TENM3: variants seen among roughly 807,000 people sequenced by gnomAD.
TENM3 encodes the protein teneurin-3.
A neutral mutation model predicts 255.1 loss-of-function variants in TENM3; 63 were observed. The observed-to-expected ratio is 0.25, with a 90% CI of 0.20 to 0.30. The LOEUF is 0.30. Ranked by LOEUF, TENM3 falls within the 10% of genes least tolerant of loss-of-function variation. The probability of loss-of-function intolerance (pLI) is 1.00; values close to 1 mark genes in which losing one functional copy is unlikely to be tolerated. For missense variants in TENM3, 2,929 were observed against 3,461.1 expected, an observed-to-expected ratio of 0.85 and a Z score of 3.86; for synonymous variants, 1,306 against 1,322.3, an observed-to-expected ratio of 0.99 and a Z score of 0.27.
At chr4:182,531,904 G>A (rs1212449072) in intron 3 of TENM3, among the ~76,000 whole-genome samples, 1 of 152,204 alleles carries the variant, frequency 6.6e-6, no homozygotes, top group East Asian at 1.9e-4. Context: ...ATTAGTCTGA[G>A]AATGGTGGGA....
At chr4:182,055,667 C>T in the TENM3 span, among the ~76,000 whole-genome samples, 1 of 152,098 alleles carries the variant, frequency 6.6e-6, no homozygotes, top group African/African-American at 2.4e-5. Flanking sequence ...AGAGAAATGG[C>T]AGGACACTGG....
intron 3 of TENM3, among the ~76,000 whole-genome samples, chr4:182,451,605 G>A (rs1221938105): frequency 6.6e-6 from 1 of 152,122 alleles, no homozygotes; most frequent in African/African-American, 2.4e-5. Context: ...TTAAAATGCT[G>A]TATTTCAGGT....
chr4:181,516,399 G>T, the TENM3 span, among the ~76,000 whole-genome samples: 1 of 150,774 alleles, frequency 6.6e-6, no homozygotes, highest in South Asian at 2.1e-4. Context: ...AAGAGCTAAG[G>T]CTAAGGGAAT....
chr4:182,100,586 T>C, the TENM3 span, among the ~76,000 whole-genome samples: 14 of 113,352 alleles, frequency 1.2e-4, no homozygotes, highest in South Asian at 2.8e-4. Context: ...CACATATATA[T>C]ACACATATAT....
At chr4:182,252,745 T>C (rs1758104363) in intron 1 of TENM3, among the ~76,000 whole-genome samples, 1 of 152,184 alleles carries the variant, frequency 6.6e-6, no homozygotes, top group African/African-American at 2.4e-5. Context: ...GACACCTGGC[T>C]AATAAAAGGA....
At chr4:181,956,341 T>A in the TENM3 span, among the ~76,000 whole-genome samples, 8 of 152,206 alleles carry the variant, frequency 5.3e-5, no homozygotes, top group Non-Finnish European at 1.2e-4. Context: ...CAACAATTCA[T>A]ACTCTCAGAA....
intron 3 of TENM3, among the ~76,000 whole-genome samples, chr4:182,540,077 A>G (rs374931479): frequency 3.9e-5 from 6 of 152,208 alleles, no homozygotes; most frequent in African/African-American, 9.7e-5. Flanking sequence ...AGAATAGAAA[A>G]CGGTAAATCT....
At chr4:182,200,826 CT>C (rs11389090) in intron 1 of TENM3, among the ~76,000 whole-genome samples, 49 of 135,364 alleles carry the variant, frequency 3.6e-4, no homozygotes, top group African/African-American at 4.7e-4. Flanking sequence ...ACTAGAGTGC[CT>C]TTTTTTTTTT....
At chr4:182,591,238 A>G (rs1746611259) in intron 3 of TENM3, among the ~76,000 whole-genome samples, 2 of 152,184 alleles carry the variant, frequency 1.3e-5, no homozygotes, top group Non-Finnish European at 2.9e-5. Flanking sequence ...AGTAGAATCT[A>G]AAAAAAGAGA....
At chr4:181,698,422 A>G in the TENM3 span, among the ~76,000 whole-genome samples, 1 of 152,096 alleles carries the variant, frequency 6.6e-6, no homozygotes, top group Non-Finnish European at 1.5e-5. Flanking sequence ...AAACTTTTCC[A>G]TAGACATTTC....
the TENM3 span, among the ~76,000 whole-genome samples, chr4:181,627,783 C>G: frequency 6.6e-6 from 1 of 152,134 alleles, no homozygotes; most frequent in Non-Finnish European, 1.5e-5. Flanking sequence ...GTGAATAGTA[C>G]CGCAATAAAC....
chr4:181,568,770 T>A, the TENM3 span, among the ~76,000 whole-genome samples: 2 of 152,264 alleles, frequency 1.3e-5, no homozygotes, highest in Middle Eastern at 6.8e-3. Context: ...TCCCTAATCC[T>A]TTCCAAGCTC....
chr4:182,531,460 A>G (rs1364113073), intron 3 of TENM3, among the ~76,000 whole-genome samples: 2 of 152,150 alleles, frequency 1.3e-5, no homozygotes, highest in Non-Finnish European at 2.9e-5. Context: ...ATTCACAATG[A>G]CCATAAAGTA....
At position 182,789,486 on chromosome 4, in the gene TENM3, G is replaced by T. The variant is rs1765937673; in HGVS notation, c.5601+97G>T. On this transcript the variant is annotated intron_variant, in intron 25 of 27. Transcript: ENST00000511685. This position sits in a 1 kb window ranked among gnomAD's most constrained non-coding sequence, Gnocchi z 4.4. ...AAGGGGAAAAAAAACAGTGGCACAT[G>T]ACTGAGTTCCATTTGTTATTCGAAG... 8.9e-7 allele frequency: 1 copy of T among 1,123,674 alleles called. No homozygotes were observed. Among genetic ancestry groups the T allele is most frequent in the South Asian group, 1.6e-5 (1 of 61,890 alleles). 69.6% of individuals were successfully genotyped at this position (1,123,674 alleles called of 1,614,324 possible). A position where few individuals can be genotyped will look rare whatever the true frequency, so the allele number is the denominator to read the frequency against.
intron 15 of TENM3, 131 bp from the exon 16 acceptor site, chr4:182,730,747 T>C: frequency 9.9e-7 from 1 of 1,011,270 alleles, no homozygotes; most frequent in Non-Finnish European, 1.4e-6. Context: ...CCCATAGATC[T>C]GAAAATATTT....
chr4:181,574,247 T>A, the TENM3 span, among the ~76,000 whole-genome samples: 1 of 152,140 alleles, frequency 6.6e-6, no homozygotes, highest in South Asian at 2.1e-4. Flanking sequence ...ATAAATGTCT[T>A]CCGGCCGGGC....
At chr4:182,698,787 G>A (rs763204973) in intron 12 of TENM3, among the ~76,000 whole-genome samples, 2 of 152,204 alleles carry the variant, frequency 1.3e-5, no homozygotes, top group Non-Finnish European at 2.9e-5. Flanking sequence ...AGAGCTGCGT[G>A]GTTTCATATC....
the TENM3 span, among the ~76,000 whole-genome samples, chr4:181,474,812 A>AC: frequency 6.6e-6 from 1 of 151,676 alleles, no homozygotes; most frequent in African/African-American, 2.4e-5. Flanking sequence ...TTATGTGGAG[A>AC]CCTAATATGG....
At chr4:182,138,792 G>A in the TENM3 span, among the ~76,000 whole-genome samples, 1 of 152,226 alleles carries the variant, frequency 6.6e-6, no homozygotes, top group South Asian at 2.1e-4. Context: ...TGATCTCTTT[G>A]CCTTTTCTCA....
Sources: gnomAD v4.1 joint callset for allele counts (sites outside exome capture counted in the v4.1 genomes callset) on GRCh38, gnomAD v4.1.1 for gene constraint, Gnocchi (gnomAD v3.1) non-coding constraint, MANE v1.5 for transcripts, NCBI Gene and HGNC (gene_info 2026-07-23, HGNC 2026-07-21) for gene names.